MEIS1: variants seen among roughly 807,000 people sequenced by gnomAD.
MEIS1 encodes the protein homeobox protein Meis1.
In MEIS1, 5 loss-of-function variants were observed where a neutral mutation model predicts 50.8. The observed-to-expected ratio is 0.10, with a 90% CI of 0.05 to 0.21. MEIS1 has a LOEUF of 0.21. Among genes scored for constraint, MEIS1 ranks in the 10% least tolerant of loss-of-function variants. The probability of loss-of-function intolerance (pLI) is 1.00; values close to 1 mark genes in which losing one functional copy is unlikely to be tolerated. For synonymous variants in MEIS1, 176 were observed against 179.3 expected (o/e 0.98, Z 0.15); for missense variants, 318 against 517.3 (o/e 0.61, Z 3.74).
chr2:66,568,871 C>A (rs998937787), intron 11 of MEIS1, 115 bp downstream of exon 11: 1 of 1,135,408 alleles, frequency 8.8e-7, no homozygotes, highest in Admixed American at 1.7e-5. Context: ...GGCTGCCTTG[C>A]CTTGTCTGCT....
At chr2:66,492,500 G>A (rs1311343872) in intron 7 of MEIS1, among the ~76,000 whole-genome samples, 1 of 152,164 alleles carries the variant, frequency 6.6e-6, no homozygotes, top group African/African-American at 2.4e-5. Context: ...CCCTGCACTG[G>A]AGAAACTGCC....
At chr2:66,545,114 T>C (rs1042555751) in intron 8 of MEIS1, among the ~76,000 whole-genome samples, 3 of 152,178 alleles carry the variant, frequency 2.0e-5, no homozygotes, top group Non-Finnish European at 2.9e-5. Context: ...ATGGTATAAA[T>C]AATAATTTTT....
At chr2:66,466,630 A>T (rs779611802) in intron 7 of MEIS1, among the ~76,000 whole-genome samples, 3 of 152,196 alleles carry the variant, frequency 2.0e-5, no homozygotes, top group Non-Finnish European at 4.4e-5. Context: ...GCAGGCATGG[A>T]TGTGTAAGCT....
chr2:66,568,938 C>A, intron 11 of MEIS1, 112 bp from the exon 12 acceptor site: 1 of 1,126,788 alleles, frequency 8.9e-7, no homozygotes, highest in Non-Finnish European at 1.4e-6. Flanking sequence ...CACTGAAGAT[C>A]TCACTATTTC....
intron 6 of MEIS1, among the ~76,000 whole-genome samples, chr2:66,451,751 G>C (rs920535609): frequency 6.6e-6 from 1 of 151,228 alleles, no homozygotes; most frequent in East Asian, 1.9e-4. Context: ...CACTATTTAC[G>C]TGAAGTGGAG....
At chr2:66,555,253 G>GTT in intron 9 of MEIS1, among the ~76,000 whole-genome samples, 1 of 42,918 alleles carries the variant, frequency 2.3e-5, no homozygotes, top group Non-Finnish European at 4.8e-5. Flanking sequence ...GTGTGTACGT[G>GTT]TTCTCTCTCT....
intron 7 of MEIS1, among the ~76,000 whole-genome samples, chr2:66,476,782 G>A (rs13391330): frequency 0.098 from 14,909 of 152,050 alleles, 1,433 homozygotes; most frequent in African/African-American, 0.25. Flanking sequence ...CCACTACCTC[G>A]TCCCCCGGAG....
chr2:66,507,746 A>G (rs1673719090), intron 7 of MEIS1, among the ~76,000 whole-genome samples: 1 of 152,200 alleles, frequency 6.6e-6, no homozygotes, highest in African/African-American at 2.4e-5. Context: ...GACCCATTGA[A>G]TGGCCTGAAT....
In MEIS1 at chr2:66,443,055, G is replaced by A. The variant is rs1281964583; in HGVS notation, c.630+7G>A. ...AGCAAATCTAACTGACCAGGTATGCGCTTTTCAATTTCAACATCCCTGGGA... is the reference window on the plus strand; with the variant it reads ...AGCAAATCTAACTGACCAGGTATGCACTTTTCAATTTCAACATCCCTGGGA... On this transcript the variant is annotated splice_region_variant and intron_variant, in intron 6 of 12. Transcript: ENST00000272369. 15 of 1,567,474 alleles carry A rather than the reference G, an allele frequency of 9.6e-6. No homozygotes were observed. Among genetic ancestry groups the A allele is most frequent in the East Asian group, 2.3e-5 (1 of 42,608 alleles).
At chr2:66,530,196 C>CAA (rs5831814) in intron 8 of MEIS1, among the ~76,000 whole-genome samples, 29,275 of 122,506 alleles carry the variant, frequency 0.24, 3,550 homozygotes, top group Middle Eastern at 0.33. Flanking sequence ...GTAGGCAAAG[C>CAA]AAAAAAAAAA....
chr2:66,461,427 G>A (rs927414436), intron 6 of MEIS1, among the ~76,000 whole-genome samples: 14 of 152,110 alleles, frequency 9.2e-5, no homozygotes, highest in African/African-American at 3.1e-4. Context: ...TTCTGTTTTT[G>A]TAACTTTGTG....
rs955447189 is a variant in MEIS1 at position 66,571,214 on chromosome 2, C to T, written c.*38-32C>T. 24 of 1,544,972 alleles carry T rather than the reference C, an allele frequency of 1.6e-5. No homozygotes were observed. The South Asian group carries it at 2.3e-4, about 15-fold the overall frequency. ...CACTATTGCTTTTTCATAACATTTT[C>T]TTTTTGTTTCTTTCTTTTGAATTTC... On this transcript the variant is annotated intron_variant, in intron 12 of 12. Transcript: ENST00000272369.
At chr2:66,472,807 G>A (rs950611705) in intron 7 of MEIS1, among the ~76,000 whole-genome samples, 4 of 152,074 alleles carry the variant, frequency 2.6e-5, no homozygotes, top group Non-Finnish European at 5.9e-5. Flanking sequence ...CTTCCACACT[G>A]CCATGAGCCA....
intron 7 of MEIS1, among the ~76,000 whole-genome samples, chr2:66,479,418 T>G (rs551845710): frequency 6.6e-6 from 1 of 152,350 alleles, no homozygotes; most frequent in East Asian, 1.9e-4. Context: ...GAAAAGCTTT[T>G]TATGGCTTTA....
At chr2:66,472,391 G>A (rs903582151) in intron 7 of MEIS1, among the ~76,000 whole-genome samples, 3 of 152,102 alleles carry the variant, frequency 2.0e-5, no homozygotes, top group Non-Finnish European at 4.4e-5. Context: ...TTTAAGCGGG[G>A]GATGGGAATG....
rs373557362 is a variant in MEIS1 at position 66,511,992 on chromosome 2, C to CTT, written c.743-156_743-155insTT. Reference sequence around the variant, plus strand: ...CTTGAGCCTAGGCCTTGTTCTTTCTCTGTCTTGGAAAACAAAACACAACAA... The same window carrying CTT: ...CTTGAGCCTAGGCCTTGTTCTTTCTCTTTGTCTTGGAAAACAAAACACAACAA... On this transcript the variant is annotated intron_variant, in intron 7 of 12. Coordinates refer to ENST00000272369, the MANE Select transcript of MEIS1 (RefSeq NM_002398.3). Among the ~76,000 whole-genome samples, 1,190 of 152,296 alleles carry CTT rather than the reference C, an allele frequency of 7.8e-3. 15 individuals carry two copies. The highest frequency in any genetic ancestry group is 0.027 in the African/African-American group (1,131 of 41,554).
At chr2:66,442,481 G>A (rs957010510) in intron 5 of MEIS1, among the ~76,000 whole-genome samples, 1 of 151,946 alleles carries the variant, frequency 6.6e-6, no homozygotes, top group African/African-American at 2.4e-5. Context: ...CACAGTACAG[G>A]TTCTTTGGAG....
chr2:66,555,784 A>G (rs1675048122), intron 9 of MEIS1, among the ~76,000 whole-genome samples: 1 of 152,192 alleles, frequency 6.6e-6, no homozygotes, highest in African/African-American at 2.4e-5. Context: ...GTGCCTACAG[A>G]AAACAAACAG....
At chr2:66,470,407 A>G (rs1672738206) in intron 7 of MEIS1, among the ~76,000 whole-genome samples, 1 of 152,214 alleles carries the variant, frequency 6.6e-6, no homozygotes, top group South Asian at 2.1e-4. Context: ...TTATTAACTT[A>G]TCAAACATGT....
Sources: allele counts gnomAD v4.1 joint callset (sites outside exome capture counted in the v4.1 genomes callset), GRCh38; gene constraint gnomAD v4.1.1; transcripts MANE v1.5; gene names NCBI Gene and HGNC (gene_info 2026-07-23, HGNC 2026-07-21).